The following USH2A variants were observed in gnomAD, a reference collection of about 807,000 sequenced individuals.
USH2A encodes Usher syndrome 2A (autosomal recessive, mild).
Under a neutral mutation model 538.9 loss-of-function variants are expected in USH2A, and 443 were observed. The ratio of observed to expected loss-of-function variants is 0.82; its 90% CI spans 0.76 to 0.89. The LOEUF (loss-of-function observed/expected upper bound fraction) is 0.89, where lower values mean the gene tolerates loss of function less well. Ranked by LOEUF, USH2A falls within the 40% of genes least tolerant of loss-of-function variation. The probability of loss-of-function intolerance (pLI) is 0.00; values close to 1 mark genes in which losing one functional copy is unlikely to be tolerated. For synonymous variants in USH2A, 2,413 were observed against 2,273.5 expected, an observed-to-expected ratio of 1.06 and a Z score of -1.75; for missense variants, 6,633 against 6,324.8, an observed-to-expected ratio of 1.05 and a Z score of -1.65.
chr1:216,283,360 G>T (rs2036819275), intron 11 of USH2A, among the ~76,000 whole-genome samples: 2 of 152,150 alleles, frequency 1.3e-5, no homozygotes, highest in Admixed American at 1.3e-4. Context: ...AAAGTGCTGG[G>T]ATTACAGGCA....
chr1:215,917,631 A>T (rs1287183522), intron 38 of USH2A, among the ~76,000 whole-genome samples: 1 of 151,756 alleles, frequency 6.6e-6, no homozygotes, highest in Non-Finnish European at 1.5e-5. Flanking sequence ...AATGTATCCA[A>T]CAAGAAAAAT....
intron 21 of USH2A, among the ~76,000 whole-genome samples, chr1:216,148,951 A>G (rs1449435806): frequency 6.6e-6 from 1 of 151,920 alleles, no homozygotes; most frequent in Non-Finnish European, 1.5e-5. Flanking sequence ...ATCAAGCCCA[A>G]ATTTCTTCCT....
chr1:215,982,039 G>A (rs1233995313), intron 35 of USH2A, among the ~76,000 whole-genome samples: 5 of 152,182 alleles, frequency 3.3e-5, no homozygotes, highest in South Asian at 2.1e-4. Context: ...TCTTGAGTGC[G>A]TCTCCTGTTC....
chr1:216,165,070 C>T (rs1017384353), intron 21 of USH2A, among the ~76,000 whole-genome samples: 3 of 152,160 alleles, frequency 2.0e-5, no homozygotes, highest in Non-Finnish European at 4.4e-5. Context: ...AGACTGCCAA[C>T]ATCAATACCT....
At position 215,967,207 on chromosome 1, in the gene USH2A, C is replaced by T. The variant is rs186863333; in HGVS notation, c.6958-1728G>A. On this transcript the variant is annotated intron_variant, in intron 36 of 71. Coordinates refer to ENST00000307340, the MANE Select transcript of USH2A (RefSeq NM_206933.4). ...GTTTTTAAATGGAGTCTCACTCTGT[C>T]TCCAAGGCTGGAGTGCAGTGGCACA... 5.5e-3 allele frequency among the ~76,000 whole-genome samples: 842 copies of T among 152,264 alleles called. 5 individuals carry two copies. Among genetic ancestry groups the T allele is most frequent in the South Asian group, 0.013 (61 of 4,828 alleles).
chr1:215,869,381 A>T (rs1172820103), intron 43 of USH2A, among the ~76,000 whole-genome samples: 1 of 152,180 alleles, frequency 6.6e-6, no homozygotes, highest in Non-Finnish European at 1.5e-5. Context: ...ATGTCATATC[A>T]CTAAGGCTTG....
intron 4 of USH2A, among the ~76,000 whole-genome samples, chr1:216,339,323 C>T (rs2038031977): frequency 6.6e-6 from 1 of 151,370 alleles, no homozygotes; most frequent in Admixed American, 6.6e-5. Flanking sequence ...ATAAAGATAA[C>T]AGCATGTGTT....
chr1:215,668,342 GGCTAAATGAAACTAATATTTTCTGAT>G, intron 64 of USH2A, among the ~76,000 whole-genome samples: 1 of 152,204 alleles, frequency 6.6e-6, no homozygotes, highest in South Asian at 2.1e-4. Context: ...TATTTACACA[GGCTAAATGAAACTAATATTTTCTGAT>G]CATTTATTTC....
At chr1:216,243,391 G>A (rs1303856562) in intron 13 of USH2A, among the ~76,000 whole-genome samples, 5 of 152,182 alleles carry the variant, frequency 3.3e-5, no homozygotes, top group Non-Finnish European at 7.3e-5. Flanking sequence ...TTTTTTAGGT[G>A]TAGGACATTC....
At chr1:216,128,907 C>T (rs2033312197) in intron 21 of USH2A, among the ~76,000 whole-genome samples, 1 of 152,034 alleles carries the variant, frequency 6.6e-6, no homozygotes, top group Admixed American at 6.6e-5. Context: ...TTATCCCCCT[C>T]CCCATTTCCT....
chr1:215,938,387 A>G (rs544966819), intron 37 of USH2A, among the ~76,000 whole-genome samples: 18 of 152,162 alleles, frequency 1.2e-4, no homozygotes, highest in Non-Finnish European at 2.5e-4. Context: ...TTTGAACTTT[A>G]GGAATTTGGG....
At position 216,030,389 on chromosome 1, in the gene USH2A, CACAGATATATATATGATAT is replaced by C. The variant is rs2102510655; in HGVS notation, c.6325+16023_6325+16041del. Among the ~76,000 whole-genome samples, 3 of 129,016 alleles carry C rather than the reference CACAGATATATATATGATAT, an allele frequency of 2.3e-5. No homozygotes were observed. The Admixed American group carries it at 2.5e-4, about 11-fold the overall frequency. 84.6% of individuals were successfully genotyped at this position (129,016 alleles called of 152,430 possible). ...ATATATATGATATATAGATATACAT[CACAGATATATATATGATAT>C]ATAGATATATATCACAGACATATAA... is the stretch of plus-strand genomic sequence containing the variant. On this transcript the variant is annotated intron_variant, in intron 32 of 71. Coordinates refer to ENST00000307340, the MANE Select transcript of USH2A (RefSeq NM_206933.4).
At position 216,324,333 on chromosome 1, in the gene USH2A, T is replaced by G. The variant is rs1325890734; in HGVS notation, c.1163A>C (p.Gln388Pro). The stretch of plus-strand genomic sequence containing the variant: ...TTCCGTTGGTTGTGGACTAAAGAAC[T>G]GAATGATAATATAAAACACCTGAAA... The part of the protein sequence containing the change: ...GQYQVFYIII[Q>P]FFSPQPTEIR... The change falls in exon 7 of 72, where the codon CAG becomes CCG. Residue 388 changes from glutamine (Q) to proline (P), a missense_variant. Gln to Pro is a moderately conservative substitution (Grantham distance 76). Transcript: ENST00000307340. The G allele has an allele frequency of 6.2e-7, 1 of 1,611,816 alleles. No homozygotes were observed. The highest frequency in any genetic ancestry group is 8.5e-7 in the Non-Finnish European group (1 of 1,178,794).
At chr1:215,717,480 CTATT>C (rs1278192380) in intron 61 of USH2A, among the ~76,000 whole-genome samples, 2 of 152,130 alleles carry the variant, frequency 1.3e-5, no homozygotes, top group Admixed American at 1.3e-4. Context: ...GTTCTTGTAA[CTATT>C]TATAAGTACA....
intron 21 of USH2A, among the ~76,000 whole-genome samples, chr1:216,157,299 T>G (rs1371277371): frequency 1.3e-5 from 2 of 152,076 alleles, no homozygotes; most frequent in African/African-American, 4.8e-5. Context: ...AGTCAGAATG[T>G]TTATTATTAA....
At chr1:216,279,983 T>C (rs1457371749) in intron 11 of USH2A, among the ~76,000 whole-genome samples, 1 of 151,746 alleles carries the variant, frequency 6.6e-6, no homozygotes, top group Non-Finnish European at 1.5e-5. Context: ...GACAAGCGGC[T>C]CACTCCCACC....
intron 47 of USH2A, among the ~76,000 whole-genome samples, chr1:215,820,769 A>G (rs796758444): frequency 2.5e-4 from 38 of 151,806 alleles, no homozygotes; most frequent in African/African-American, 8.9e-4. Flanking sequence ...GCCTCTGGTA[A>G]TCACCAATCT....
At chr1:215,700,163 G>A (rs767542461) in intron 61 of USH2A, among the ~76,000 whole-genome samples, 3 of 152,148 alleles carry the variant, frequency 2.0e-5, no homozygotes, top group African/African-American at 4.8e-5. Flanking sequence ...AAGCTGACCC[G>A]ATCGTGGTGG....
intron 32 of USH2A, among the ~76,000 whole-genome samples, chr1:216,038,316 T>C (rs2030090599): frequency 1.3e-5 from 2 of 152,034 alleles, no homozygotes; most frequent in African/African-American, 2.4e-5. Context: ...TTTTACTGAA[T>C]TCATGTTGCC....
Sources: allele counts gnomAD v4.1 joint callset (sites outside exome capture counted in the v4.1 genomes callset), GRCh38; gene constraint gnomAD v4.1.1; transcripts MANE v1.5; gene names NCBI Gene and HGNC (gene_info 2026-07-23, HGNC 2026-07-21).